The following SMARCC1 variants were observed in gnomAD, a reference collection of about 807,000 sequenced individuals.
The protein encoded by SMARCC1 is SWI/SNF complex subunit SMARCC1.
A neutral mutation model predicts 147.4 loss-of-function variants in SMARCC1; 43 were observed. The observed-to-expected ratio is 0.29, with a 90% CI of 0.23 to 0.38. The LOEUF (loss-of-function observed/expected upper bound fraction) is 0.38, where lower values mean the gene tolerates loss of function less well. Among genes scored for constraint, SMARCC1 ranks in the 10% least tolerant of loss-of-function variants. The pLI, the probability that SMARCC1 is intolerant of heterozygous loss-of-function variation, is 1.00. For synonymous variants in SMARCC1, 495 were observed against 484.4 expected, an observed-to-expected ratio of 1.02 and a Z score of -0.29; for missense variants, 1,119 against 1,381.1, an observed-to-expected ratio of 0.81 and a Z score of 3.01.
chr3:47,766,494 G>T (rs978638999), intron 2 of SMARCC1, among the ~76,000 whole-genome samples: 2 of 151,882 alleles, frequency 1.3e-5, no homozygotes, highest in Admixed American at 1.3e-4. Context: ...CCTGAGTCTG[G>T]AAAGTCATGG....
chr3:47,671,258 T>C (rs1273573940), intron 18 of SMARCC1, among the ~76,000 whole-genome samples: 1 of 150,638 alleles, frequency 6.6e-6, no homozygotes, highest in Non-Finnish European at 1.5e-5. Context: ...CCCATAACTA[T>C]TTGGATATGT....
chr3:47,610,466 A>G, intron 25 of SMARCC1, 139 bp from the exon 26 acceptor site: 1 of 821,178 alleles, frequency 1.2e-6, no homozygotes, highest in Non-Finnish European at 2.0e-6. Context: ...TGCACCTTCT[A>G]CAGTGAGAAC....
Position 47,686,301 on chromosome 3 carries a change from A to C in SMARCC1, c.1264-131T>G, listed in dbSNP as rs527929359. On this transcript the variant is annotated intron_variant, in intron 13 of 27. Transcript: ENST00000254480. The stretch of plus-strand genomic sequence containing the variant: ...GATTCGATCAGATATTTGAAAAACA[A>C]ATTTCAAGTAAAAACAACCTTTCAC... 3 of 703,082 alleles carry C rather than the reference A, an allele frequency of 4.3e-6. No homozygotes were observed. In the South Asian group the frequency reaches 6.1e-5, roughly 14 times the overall value. 43.6% of individuals were successfully genotyped at this position (703,082 alleles called of 1,614,324 possible).
intron 11 of SMARCC1, among the ~76,000 whole-genome samples, chr3:47,696,476 T>G (rs1377871358): frequency 6.6e-6 from 1 of 151,920 alleles, no homozygotes; most frequent in African/African-American, 2.4e-5. Flanking sequence ...TAAGCAAAGG[T>G]TCACCAAAGT....
At chr3:47,600,873 C>G (rs2032370606) in intron 26 of SMARCC1, among the ~76,000 whole-genome samples, 1 of 151,828 alleles carries the variant, frequency 6.6e-6, no homozygotes, top group African/African-American at 2.4e-5. Flanking sequence ...ATTAAGAGAT[C>G]TGGCCCACAC....
At chr3:47,710,867 C>A in intron 8 of SMARCC1, 59 bp from the exon 9 acceptor site, 1 of 1,451,202 alleles carries the variant, frequency 6.9e-7, no homozygotes, top group Non-Finnish European at 9.4e-7. Context: ...CAAGGTTTTA[C>A]AGTATTGAGA....
At chr3:47,655,540 T>A (rs2033250312) in intron 21 of SMARCC1, among the ~76,000 whole-genome samples, 1 of 150,440 alleles carries the variant, frequency 6.6e-6, no homozygotes, top group Non-Finnish European at 1.5e-5. Context: ...CCACCAAAAA[T>A]ACAAAAATCA....
At chr3:47,781,142 T>G (rs765654738) in intron 1 of SMARCC1, among the ~76,000 whole-genome samples, 4 of 152,218 alleles carry the variant, frequency 2.6e-5, no homozygotes, top group Non-Finnish European at 5.9e-5. Context: ...TCATATTGCC[T>G]GTTATTAATT....
At chr3:47,701,515 T>A in intron 10 of SMARCC1, 113 bp from the exon 11 acceptor site, 1 of 1,042,254 alleles carries the variant, frequency 9.6e-7, no homozygotes, top group Non-Finnish European at 1.4e-6. Context: ...TCAAGATCAC[T>A]TTAAAAGACA....
At chr3:47,604,199 G>A (rs1299110775) in intron 26 of SMARCC1, 4 of 456,612 alleles carry the variant, frequency 8.8e-6, no homozygotes, top group African/African-American at 8.0e-5. Context: ...ACTTTAACAG[G>A]CTCTACCACT....
chr3:47,707,639 C>T (rs1228500747), intron 9 of SMARCC1, among the ~76,000 whole-genome samples: 2 of 151,844 alleles, frequency 1.3e-5, no homozygotes, highest in Non-Finnish European at 2.9e-5. Context: ...TTTGGGAGGC[C>T]GAGGCGGGGG....
intron 21 of SMARCC1, among the ~76,000 whole-genome samples, chr3:47,646,216 T>C (rs1214797533): frequency 6.6e-6 from 1 of 152,252 alleles, no homozygotes; most frequent in Non-Finnish European, 1.5e-5. Flanking sequence ...TGGAACAGTA[T>C]GTAAAACAAT....
intron 4 of SMARCC1, among the ~76,000 whole-genome samples, chr3:47,736,915 T>C (rs1487228888): frequency 6.6e-6 from 1 of 152,086 alleles, no homozygotes; most frequent in Non-Finnish European, 1.5e-5. Context: ...AATTTAGTGA[T>C]CACCATAAAT....
chr3:47,759,358 C>T (rs2034743508), intron 2 of SMARCC1, among the ~76,000 whole-genome samples: 2 of 151,634 alleles, frequency 1.3e-5, no homozygotes, highest in South Asian at 2.1e-4. Flanking sequence ...CGTGGTGGCT[C>T]ATACCTGTAA....
At position 47,635,247 on chromosome 3, in the gene SMARCC1, T is replaced by G; in HGVS notation, c.2589A>C (p.Glu863Asp). 1 of 1,613,796 alleles carries G rather than the reference T, an allele frequency of 6.2e-7. No homozygotes were observed. The highest frequency in any genetic ancestry group is 8.5e-7 in the Non-Finnish European group (1 of 1,179,886). ...GKKKVEHEIS[E>D]GNVATAAAAA... ...CTGCTGCGGCTGTGGCAACATTTCC[T>G]TCGGAAATTTCATGTTCTACTTTCT... Residue 863 changes from glutamate (E) to aspartate (D), a missense_variant, in exon 24 of 28, where the codon GAA becomes GAC. By Grantham distance (45) the Glu-to-Asp change is conservative. Around this residue, in one of 6 missense-constraint regions of SMARCC1, gnomAD observed 157 missense variants for 158.6 expected, o/e 0.99. Coordinates refer to ENST00000254480, the MANE Select transcript of SMARCC1 (RefSeq NM_003074.4).
intron 22 of SMARCC1, among the ~76,000 whole-genome samples, chr3:47,636,786 ATATGTGTGTGTGTGTGTGTGTGTG>A (rs1329731676): frequency 3.0e-4 from 43 of 141,024 alleles, no homozygotes; most frequent in African/African-American, 7.5e-4. Context: ...CAAAATATAT[ATATGTGTGTGTGTGTGTGTGTGTG>A]TGTGTGTGTG....
intron 20 of SMARCC1, among the ~76,000 whole-genome samples, chr3:47,661,770 A>C (rs911093042): frequency 6.6e-6 from 1 of 152,136 alleles, no homozygotes; most frequent in Non-Finnish European, 1.5e-5. Flanking sequence ...ATAAGTCAAA[A>C]AAACAAAAAC....
At chr3:47,662,124 AGC>A (rs1004097725) in intron 20 of SMARCC1, among the ~76,000 whole-genome samples, 5 of 152,056 alleles carry the variant, frequency 3.3e-5, no homozygotes, top group Non-Finnish European at 7.3e-5. Flanking sequence ...CCTCCCAAGT[AGC>A]TGGGACTATA....
intron 3 of SMARCC1, among the ~76,000 whole-genome samples, chr3:47,745,304 A>G (rs2034552962): frequency 6.6e-6 from 1 of 152,206 alleles, no homozygotes; most frequent in Non-Finnish European, 1.5e-5. Flanking sequence ...CACTTCAAAT[A>G]TAATGTATGA....
Sources: gnomAD v4.1 joint callset for allele counts (sites outside exome capture counted in the v4.1 genomes callset) on GRCh38, gnomAD v4.1.1 for gene constraint, gnomAD v4.1.1 regional missense constraint, MANE v1.5 for transcripts, NCBI Gene and HGNC (gene_info 2026-07-23, HGNC 2026-07-21) for gene names.